Variants in SAMD3 observed in about 807,000 individuals in gnomAD.
SAMD3 encodes sterile alpha motif domain-containing protein 3.
In SAMD3, 63 loss-of-function variants were observed where a neutral mutation model predicts 58.5. The ratio of observed to expected loss-of-function variants is 1.08; its 90% CI spans 0.88 to 1.33. The LOEUF (loss-of-function observed/expected upper bound fraction) is 1.33. Among genes scored for constraint, SAMD3 ranks in the 40% most tolerant of loss-of-function variants. The probability of loss-of-function intolerance (pLI) is 0.00; values close to 1 mark genes in which losing one functional copy is unlikely to be tolerated. For missense variants in SAMD3, 604 were observed against 608.4 expected, an observed-to-expected ratio of 0.99 and a Z score of 0.08; for synonymous variants, 220 against 210.3, an observed-to-expected ratio of 1.05 and a Z score of -0.40.
rs573579991 is a variant in SAMD3, at chr6:130,211,190, G to C, written c.270-1582C>G. On this transcript the variant is annotated intron_variant, in intron 4 of 11. Transcript: ENST00000439090. ...CTACCTGGAGGCTTCATCTGCATGA[G>C]AAAACCTTAGTCGCCACAACCCCTT... Among the ~76,000 whole-genome samples the C allele has an allele frequency of 3.3e-5, 5 of 151,988 alleles. No individual in the cohort carries two copies. In the South Asian group the frequency reaches 8.3e-4, roughly 25 times the overall value.
chr6:130,269,714 G>GA (rs35275370), intron 2 of SAMD3, among the ~76,000 whole-genome samples: 46,890 of 150,312 alleles, frequency 0.31, 7,622 homozygotes, highest in East Asian at 0.47. Context: ...CATTTTAAAT[G>GA]TTTCTGTTCT....
At chr6:130,222,020 G>A (rs1398835674) in intron 1 of SAMD3, among the ~76,000 whole-genome samples, 1 of 152,084 alleles carries the variant, frequency 6.6e-6, no homozygotes, top group African/African-American at 2.4e-5. Context: ...CACTGCTAAG[G>A]GGAGTATAAA....
chr6:130,350,276 CA>C (rs1417829602), intron 1 of SAMD3, among the ~76,000 whole-genome samples: 1 of 152,128 alleles, frequency 6.6e-6, no homozygotes, highest in African/African-American at 2.4e-5. Context: ...AAGAGAAAGT[CA>C]AATTGTCCCT....
intron 2 of SAMD3, among the ~76,000 whole-genome samples, chr6:130,243,642 G>A (rs1024172646): frequency 6.6e-5 from 10 of 152,066 alleles, no homozygotes; most frequent in African/African-American, 1.4e-4. Context: ...AGTTCTTATC[G>A]AATTCTAGGC....
At chr6:130,177,913 C>A (rs1225488826) in intron 7 of SAMD3, among the ~76,000 whole-genome samples, 1 of 152,040 alleles carries the variant, frequency 6.6e-6, no homozygotes, top group African/African-American at 2.4e-5. Context: ...AGACCAGAAG[C>A]AAGACTCTGA....
intron 2 of SAMD3, among the ~76,000 whole-genome samples, chr6:130,231,351 G>A (rs934680780): frequency 4.6e-5 from 7 of 152,070 alleles, no homozygotes; most frequent in African/African-American, 7.2e-5. Flanking sequence ...ATCACTTAAG[G>A]TCAGGAGTTC....
At chr6:130,355,021 C>A (rs1490578653) in intron 1 of SAMD3, among the ~76,000 whole-genome samples, 1 of 152,188 alleles carries the variant, frequency 6.6e-6, no homozygotes, top group East Asian at 1.9e-4. Flanking sequence ...AAGACTCTGA[C>A]CTCCTCAGCA....
chr6:130,286,676 C>G (rs957751244), intron 2 of SAMD3, among the ~76,000 whole-genome samples: 1 of 139,932 alleles, frequency 7.1e-6, no homozygotes, highest in Non-Finnish European at 1.6e-5. Flanking sequence ...CCTTCATTGG[C>G]TTCTCCAAAA....
intron 8 of SAMD3, among the ~76,000 whole-genome samples, chr6:130,174,318 G>T (rs916924326): frequency 1.3e-5 from 2 of 152,182 alleles, no homozygotes; most frequent in Admixed American, 6.5e-5. Context: ...GGCATACGAG[G>T]CAATCTCCTG....
At chr6:130,184,749 A>C (rs1321383832) in intron 5 of SAMD3, 126 bp from the exon 6 acceptor site, 1 of 689,746 alleles carries the variant, frequency 1.4e-6, no homozygotes, top group African/African-American at 1.8e-5. Context: ...GGAAGTCATC[A>C]AGCCATCTTC....
At chr6:130,164,400 A>G (rs1790540406) in intron 8 of SAMD3, among the ~76,000 whole-genome samples, 1 of 152,210 alleles carries the variant, frequency 6.6e-6, no homozygotes, top group Non-Finnish European at 1.5e-5. Context: ...AGTAACTCTC[A>G]TATATTTCCC....
intron 2 of SAMD3, among the ~76,000 whole-genome samples, chr6:130,229,466 TG>T (rs1270045283): frequency 1.1e-4 from 16 of 152,192 alleles, no homozygotes; most frequent in Non-Finnish European, 1.5e-5. Flanking sequence ...TTAGTATTCA[TG>T]GGAATATAAA....
chr6:130,168,952 A>G (rs553894300), intron 8 of SAMD3, among the ~76,000 whole-genome samples: 1 of 152,220 alleles, frequency 6.6e-6, no homozygotes, highest in African/African-American at 2.4e-5. Context: ...TTACAGGCAC[A>G]TGCCACCAGA....
At chr6:130,304,236 C>T (rs1227845167) in intron 2 of SAMD3, among the ~76,000 whole-genome samples, 1 of 152,166 alleles carries the variant, frequency 6.6e-6, no homozygotes, top group Non-Finnish European at 1.5e-5. Flanking sequence ...GTGATGTGAT[C>T]TCGGCTTACT....
At chr6:130,282,173 T>TG (rs553073503) in intron 2 of SAMD3, among the ~76,000 whole-genome samples, 1 of 151,462 alleles carries the variant, frequency 6.6e-6, no homozygotes, top group Non-Finnish European at 1.5e-5. Context: ...TGCAGGGAGA[T>TG]GGGGGGTAGA....
chr6:130,245,889 C>T (rs1773525746), intron 2 of SAMD3, among the ~76,000 whole-genome samples: 1 of 152,054 alleles, frequency 6.6e-6, no homozygotes, highest in African/African-American at 2.4e-5. Flanking sequence ...TGTCTTCCCT[C>T]AGTTACACGA....
intron 1 of SAMD3, among the ~76,000 whole-genome samples, chr6:130,348,986 C>T (rs1278916150): frequency 6.6e-6 from 1 of 151,892 alleles, no homozygotes; most frequent in Non-Finnish European, 1.5e-5. Flanking sequence ...CTACTGGGTA[C>T]ATAACGAAAT....
chr6:130,335,545 T>C (rs1293032618), intron 1 of SAMD3, among the ~76,000 whole-genome samples: 8 of 152,238 alleles, frequency 5.3e-5, no homozygotes, highest in Non-Finnish European at 5.9e-5. Context: ...GCCAACATTA[T>C]CAAACACATA....
chr6:130,219,512 A>G (rs1796134367), intron 1 of SAMD3, among the ~76,000 whole-genome samples: 2 of 152,272 alleles, frequency 1.3e-5, no homozygotes, highest in South Asian at 4.2e-4. Context: ...GAGTCCTCAA[A>G]GTCCATTGTG....
Sources: gnomAD v4.1 joint callset for allele counts (sites outside exome capture counted in the v4.1 genomes callset) on GRCh38, gnomAD v4.1.1 for gene constraint, MANE v1.5 for transcripts, NCBI Gene and HGNC (gene_info 2026-07-23, HGNC 2026-07-21) for gene names.